Variants in ARSB observed in about 807,000 individuals in gnomAD.
ARSB encodes arylsulfatase B, also known as N-acetylgalactosamine-4-sulfatase.
In ARSB, 41 loss-of-function variants were observed where a neutral mutation model predicts 50.9. That is an observed-to-expected ratio of 0.81 (90% CI 0.63 to 1.04). The LOEUF (loss-of-function observed/expected upper bound fraction) is 1.04. Ranked by LOEUF, ARSB falls within the 50% of genes least tolerant of loss-of-function variation. The pLI is 0.00. For synonymous variants in ARSB, 269 were observed against 284.8 expected (o/e 0.94, Z 0.56); for missense variants, 672 against 693.3 (o/e 0.97, Z 0.35).
intron 1 of ARSB, among the ~76,000 whole-genome samples, chr5:78,982,265 GAC>G (rs1752938028): frequency 6.6e-6 from 1 of 152,160 alleles, no homozygotes; most frequent in South Asian, 2.1e-4. Context: ...CTCATTTTGA[GAC>G]AGTCAAAAAA....
At chr5:78,962,051 G>T (rs1752009621) in intron 3 of ARSB, among the ~76,000 whole-genome samples, 1 of 152,118 alleles carries the variant, frequency 6.6e-6, no homozygotes, top group Non-Finnish European at 1.5e-5. Flanking sequence ...TTGGATATTA[G>T]CTGTGAACTA....
chr5:78,930,662 G>T (rs956793786), intron 4 of ARSB, among the ~76,000 whole-genome samples: 1 of 152,138 alleles, frequency 6.6e-6, no homozygotes, highest in East Asian at 1.9e-4. Flanking sequence ...GTTAAGGATT[G>T]TTCTGTAAGA....
intron 5 of ARSB, among the ~76,000 whole-genome samples, chr5:78,867,344 T>A (rs888228666): frequency 1.4e-4 from 22 of 151,882 alleles, no homozygotes; most frequent in Middle Eastern, 3.4e-3. Flanking sequence ...CCTGCCTCTG[T>A]AGGCTCCACC....
intron 4 of ARSB, among the ~76,000 whole-genome samples, chr5:78,954,509 A>G (rs1580120244): frequency 6.6e-6 from 1 of 152,126 alleles, no homozygotes; most frequent in Non-Finnish European, 1.5e-5. Context: ...TGTCAGAAAA[A>G]AAATATTTTT....
chr5:78,896,474 G>A (rs1748564769), intron 4 of ARSB, among the ~76,000 whole-genome samples: 1 of 152,108 alleles, frequency 6.6e-6, no homozygotes, highest in Admixed American at 6.5e-5. Flanking sequence ...CAGTGACAGG[G>A]TAAAAAAGAA....
intron 6 of ARSB, among the ~76,000 whole-genome samples, chr5:78,800,255 T>C (rs905433356): frequency 6.6e-5 from 10 of 150,860 alleles, no homozygotes; most frequent in African/African-American, 2.4e-4. Flanking sequence ...GAGGCAGAGG[T>C]TGCAGTAAAC....
intron 1 of ARSB, among the ~76,000 whole-genome samples, chr5:78,980,147 A>G (rs543012872): frequency 2.6e-5 from 4 of 152,354 alleles, no homozygotes; most frequent in African/African-American, 9.6e-5. Flanking sequence ...TTCTGAGGTG[A>G]TGAAAATATT....
intron 5 of ARSB, among the ~76,000 whole-genome samples, chr5:78,874,523 A>C (rs1399327555): frequency 1.3e-5 from 2 of 152,166 alleles, no homozygotes; most frequent in Non-Finnish European, 2.9e-5. Flanking sequence ...GAATTATATA[A>C]AGATATTTGT....
At chr5:78,985,949 C>T (rs746045040), upstream of ARSB, 3 of 152,234 alleles carry the variant, frequency 2.0e-5, no homozygotes, top group Non-Finnish European at 4.4e-5. Context: ...TCAAGTTGCC[C>T]TGGGAGGATT....
intron 1 of ARSB, among the ~76,000 whole-genome samples, chr5:78,983,006 G>T (rs927965174): frequency 6.6e-6 from 1 of 152,156 alleles, no homozygotes; most frequent in Admixed American, 6.5e-5. Context: ...GGTGACTGGT[G>T]GGGGAGGATG....
intron 4 of ARSB, among the ~76,000 whole-genome samples, chr5:78,896,837 T>G (rs1189225518): frequency 6.6e-6 from 1 of 152,124 alleles, no homozygotes; most frequent in African/African-American, 2.4e-5. Flanking sequence ...TGTCCTGAAA[T>G]GGAATTTATA....
At chr5:78,979,125 A>T (rs1752791294) in intron 1 of ARSB, among the ~76,000 whole-genome samples, 1 of 152,250 alleles carries the variant, frequency 6.6e-6, no homozygotes, top group Non-Finnish European at 1.5e-5. Flanking sequence ...AAGAAATCTT[A>T]CAACTCAAGA....
intron 4 of ARSB, among the ~76,000 whole-genome samples, chr5:78,916,325 T>C (rs753174541): frequency 2.0e-5 from 3 of 152,226 alleles, no homozygotes; most frequent in Non-Finnish European, 4.4e-5. Context: ...CCCTGGCCTG[T>C]TCCAGTCCAG....
intron 6 of ARSB, among the ~76,000 whole-genome samples, chr5:78,823,948 A>G (rs1007801974): frequency 1.3e-5 from 2 of 151,618 alleles, no homozygotes; most frequent in Non-Finnish European, 2.9e-5. Context: ...GTGATCCCCA[A>G]TGTTGGAGGG....
At chr5:78,853,743 C>G (rs1361575631) in intron 5 of ARSB, among the ~76,000 whole-genome samples, 6 of 152,248 alleles carry the variant, frequency 3.9e-5, no homozygotes, top group Non-Finnish European at 8.8e-5. Context: ...CTTTGTTTAC[C>G]TAAGCAAGCC....
intron 4 of ARSB, among the ~76,000 whole-genome samples, chr5:78,942,495 T>C (rs778826964): frequency 2.6e-5 from 4 of 152,240 alleles, no homozygotes; most frequent in African/African-American, 4.8e-5. Context: ...TTTTTTCTCA[T>C]TGGTTTCAAA....
chr5:78,787,864 A>G (rs1398267496), intron 6 of ARSB, among the ~76,000 whole-genome samples: 1 of 152,160 alleles, frequency 6.6e-6, no homozygotes, highest in Non-Finnish European at 1.5e-5. Flanking sequence ...CACACTAAGC[A>G]CCACCCGCAA....
chr5:78,973,742 A>G (rs1324233166), intron 1 of ARSB, among the ~76,000 whole-genome samples: 3 of 152,166 alleles, frequency 2.0e-5, no homozygotes, highest in African/African-American at 7.2e-5. Flanking sequence ...GAGCGAAGCA[A>G]ACCACTGCTG....
At chr5:78,854,422 G>A (rs1746037496) in intron 5 of ARSB, among the ~76,000 whole-genome samples, 1 of 152,134 alleles carries the variant, frequency 6.6e-6, no homozygotes, top group East Asian at 1.9e-4. Context: ...TTGATATGCT[G>A]TATGTCTATT....
Sources: gnomAD v4.1 joint callset for allele counts (sites outside exome capture counted in the v4.1 genomes callset) on GRCh38, gnomAD v4.1.1 for gene constraint, MANE v1.5 for transcripts, NCBI Gene and HGNC (gene_info 2026-07-23, HGNC 2026-07-21) for gene names.